Variants in CELF4 observed in about 807,000 individuals in gnomAD.
CELF4 encodes the protein CUG-BP- and ETR-3-like factor 4.
Under a neutral mutation model 59.9 loss-of-function variants are expected in CELF4, and 18 were observed. That is an observed-to-expected ratio of 0.30 (90% CI 0.21 to 0.45). The LOEUF is 0.45. Among genes scored for constraint, CELF4 ranks in the 20% least tolerant of loss-of-function variants. The probability of loss-of-function intolerance (pLI) is 1.00; values close to 1 mark genes in which losing one functional copy is unlikely to be tolerated. For synonymous variants in CELF4, 261 were observed against 267.1 expected (o/e 0.98, Z 0.22); for missense variants, 456 against 689.0 (o/e 0.66, Z 3.79).
intron 1 of CELF4, among the ~76,000 whole-genome samples, chr18:37,537,392 G>T (rs1163419740): frequency 1.3e-5 from 2 of 152,210 alleles, no homozygotes; most frequent in Non-Finnish European, 2.9e-5. Flanking sequence ...CTCTATCCAA[G>T]AGAAAGAGTT....
At chr18:37,551,500 A>G (rs1470304833) in intron 1 of CELF4, among the ~76,000 whole-genome samples, 1 of 152,192 alleles carries the variant, frequency 6.6e-6, no homozygotes, top group Non-Finnish European at 1.5e-5. Flanking sequence ...ACCCCAGGAA[A>G]CTGTCCTCAG....
At chr18:37,290,516 A>G (rs977887944) in intron 3 of CELF4, among the ~76,000 whole-genome samples, 24 of 152,222 alleles carry the variant, frequency 1.6e-4, no homozygotes, top group African/African-American at 4.8e-5. Flanking sequence ...AAGTCTGGAA[A>G]TGCTGATCCA....
intron 2 of CELF4, among the ~76,000 whole-genome samples, chr18:37,409,799 G>A (rs1440223830): frequency 6.6e-6 from 1 of 152,128 alleles, no homozygotes; most frequent in Admixed American, 6.5e-5. Flanking sequence ...TTTACAGATG[G>A]GTTTCTTGCT....
chr18:37,442,793 G>A (rs116219496), intron 2 of CELF4, among the ~76,000 whole-genome samples: 1,915 of 152,284 alleles, frequency 0.013, 55 homozygotes, highest in African/African-American at 0.043. Context: ...GACGTCTTAC[G>A]GAGGCGCCTT....
intron 3 of CELF4, among the ~76,000 whole-genome samples, chr18:37,314,272 C>T (rs2096781430): frequency 6.6e-6 from 1 of 152,186 alleles, no homozygotes; most frequent in African/African-American, 2.4e-5. Flanking sequence ...CATGGTGAAA[C>T]TCTGTATCTA....
intron 1 of CELF4, among the ~76,000 whole-genome samples, chr18:37,504,616 C>A (rs117493258): frequency 0.021 from 3,152 of 152,256 alleles, 44 homozygotes; most frequent in Middle Eastern, 0.054. Flanking sequence ...TAAGTGAGAA[C>A]ACACATGCCT....
intron 3 of CELF4, among the ~76,000 whole-genome samples, chr18:37,304,724 G>A (rs1255662882): frequency 2.6e-5 from 4 of 152,228 alleles, no homozygotes; most frequent in Admixed American, 6.5e-5. Context: ...ACTGTGTGGT[G>A]TCTCCCTGCC....
intron 2 of CELF4, among the ~76,000 whole-genome samples, chr18:37,479,956 A>G (rs1045867119): frequency 1.4e-4 from 22 of 152,216 alleles, no homozygotes; most frequent in African/African-American, 3.1e-4. Context: ...AGGGAACGCC[A>G]TCTACAACTG....
chr18:37,311,330 G>C (rs544013656), intron 3 of CELF4, among the ~76,000 whole-genome samples: 2 of 152,130 alleles, frequency 1.3e-5, no homozygotes, highest in Non-Finnish European at 2.9e-5. Context: ...GGCCCTCTCT[G>C]GGAACTCTTC....
In CELF4 at chr18:37,269,769, CTGAGAACACTCACTCA is replaced by C. The variant is rs753100343; in HGVS notation, c.1099+983_1099+998del. ...CATTGGGATCTTTAGCATTTCAAGT[CTGAGAACACTCACTCA>C]TGATCAAACTTAATTCTGCCATATT... On this transcript the variant is annotated intron_variant, in intron 8 of 12. Coordinates refer to ENST00000420428, the MANE Select transcript of CELF4 (RefSeq NM_020180.4). Among the ~76,000 whole-genome samples the C allele has an allele frequency of 4.6e-5, 7 of 152,232 alleles. 1 individual carries two copies. The highest frequency in any genetic ancestry group is 7.2e-5 in the African/African-American group (3 of 41,458).
chr18:37,266,862 T>C (rs1249987221), intron 8 of CELF4, among the ~76,000 whole-genome samples: 1 of 149,606 alleles, frequency 6.7e-6, no homozygotes, highest in Non-Finnish European at 1.5e-5. Flanking sequence ...TGGGGTAAGA[T>C]GGGGGCTCAT....
intron 2 of CELF4, among the ~76,000 whole-genome samples, chr18:37,454,363 C>T (rs550033181): frequency 5.3e-5 from 8 of 152,138 alleles, no homozygotes; most frequent in African/African-American, 9.7e-5. Context: ...TGAAGTTTGC[C>T]GCATTCAAAT....
At chr18:37,409,074 CAG>C (rs2099412764) in intron 2 of CELF4, among the ~76,000 whole-genome samples, 1 of 152,248 alleles carries the variant, frequency 6.6e-6, no homozygotes, top group Non-Finnish European at 1.5e-5. Flanking sequence ...TGACTGTCCT[CAG>C]ATACCCAAAG....
At chr18:37,259,285 GGGC>G in intron 10 of CELF4, 21 bp from the exon 11 acceptor site, 1 of 955,944 alleles carries the variant, frequency 1.0e-6, no homozygotes, top group Non-Finnish European at 1.6e-6. Flanking sequence ...GGGAGGGGGT[GGGC>G]GGGGGAGGAG....
At chr18:37,252,201 C>T (rs2065923223) in intron 12 of CELF4, among the ~76,000 whole-genome samples, 1 of 152,112 alleles carries the variant, frequency 6.6e-6, no homozygotes, top group Non-Finnish European at 1.5e-5. Flanking sequence ...TTTCACATGC[C>T]TGATCTTTCT....
chr18:37,447,894 C>T (rs966040114), intron 2 of CELF4, among the ~76,000 whole-genome samples: 1 of 152,170 alleles, frequency 6.6e-6, no homozygotes, highest in African/African-American at 2.4e-5. Flanking sequence ...ATGGCCAGCA[C>T]CACTGGGTGA....
intron 2 of CELF4, among the ~76,000 whole-genome samples, chr18:37,396,686 G>A (rs2099249695): frequency 6.6e-6 from 1 of 152,130 alleles, no homozygotes; most frequent in Non-Finnish European, 1.5e-5. Context: ...GCGGGTGACT[G>A]GAGAAAACTA....
intron 11 of CELF4, among the ~76,000 whole-genome samples, chr18:37,257,775 G>A (rs778275044): frequency 1.3e-5 from 2 of 152,128 alleles, no homozygotes; most frequent in Non-Finnish European, 2.9e-5. Flanking sequence ...GTGTCTGGCA[G>A]ACTCAGCTCT....
chr18:37,564,951 T>C (rs1167647134), intron 1 of CELF4, among the ~76,000 whole-genome samples: 1 of 152,170 alleles, frequency 6.6e-6, no homozygotes, highest in East Asian at 1.9e-4. Context: ...ACCACGGCGA[T>C]GGACAGCACC....
Sources: allele counts gnomAD v4.1 joint callset (sites outside exome capture counted in the v4.1 genomes callset), GRCh38; gene constraint gnomAD v4.1.1; transcripts MANE v1.5; gene names NCBI Gene and HGNC (gene_info 2026-07-23, HGNC 2026-07-21).